PLAA: variants seen among roughly 807,000 people sequenced by gnomAD.
The protein encoded by PLAA is phospholipase A-2-activating protein.
Under a neutral mutation model 84.1 loss-of-function variants are expected in PLAA, and 48 were observed. That is an observed-to-expected ratio of 0.57 (90% CI 0.45 to 0.73). The LOEUF is 0.73. PLAA is among the 30% of genes least tolerant of loss of function. PLAA has a pLI of 0.00. For synonymous variants in PLAA, 392 were observed against 336.6 expected (o/e 1.16, Z -1.80); for missense variants, 903 against 954.7 (o/e 0.95, Z 0.71).
chr9:26,946,795 G>C (rs894211677), intron 1 of PLAA, 102 bp downstream of exon 1: 101 of 1,305,134 alleles, frequency 7.7e-5, no homozygotes, highest in Middle Eastern at 7.6e-4. Context: ...GGGAAGGCTG[G>C]GGGGAGAGAG....
rs1348125864 is a variant in PLAA, at chr9:26,915,703, T to C, written c.1486+1394A>G. 56 of 984,634 alleles carry C rather than the reference T, an allele frequency of 5.7e-5. No individual in the cohort carries two copies. The Admixed American group carries it at 3.4e-3, about 61-fold the overall frequency. The allele number at this position is 984,634 out of a possible 1,614,324, so 61.0% of individuals were successfully genotyped here. A position where few individuals can be genotyped will look rare whatever the true frequency, so the allele number is the denominator to read the frequency against. On this transcript the variant is annotated intron_variant, in intron 10 of 13. Transcript: ENST00000397292. ...CCCTAATTCTCTTGGACATTGTGTA[T>C]GCTATCTTGCATATCTACATAATTA...
Position 26,947,097 on chromosome 9 carries a change from G to A in PLAA, c.-52C>T. On this transcript the variant is annotated 5_prime_UTR_variant, in exon 1 of 14. Transcript: ENST00000397292. ...CCCAGGCACTGTGCGAGACCAGTCCGCAGGGGCGACTCGGAGAGCGCCGGG... is the reference window on the plus strand; with the variant it reads ...CCCAGGCACTGTGCGAGACCAGTCCACAGGGGCGACTCGGAGAGCGCCGGG... 2 of 1,438,102 alleles carry A rather than the reference G, an allele frequency of 1.4e-6. No homozygotes were observed. Among genetic ancestry groups the A allele is most frequent in the South Asian group, 1.4e-5 (1 of 69,228 alleles). The allele number at this position is 1,438,102 out of a possible 1,614,324, so 89.1% of individuals were successfully genotyped here. A position where few individuals can be genotyped will look rare whatever the true frequency, so the allele number is the denominator to read the frequency against.
At chr9:26,929,781 A>G (rs1290587913) in intron 2 of PLAA, among the ~76,000 whole-genome samples, 3 of 152,204 alleles carry the variant, frequency 2.0e-5, no homozygotes, top group Non-Finnish European at 4.4e-5. Flanking sequence ...ACTTATAAGC[A>G]TCACCTCTCT....
Position 26,907,301 on chromosome 9 carries a change from G to A in PLAA, c.1822+533C>T, listed in dbSNP as rs376845427. Among the ~76,000 whole-genome samples the A allele has an allele frequency of 7.2e-5, 11 of 152,210 alleles. No homozygotes were observed. In the East Asian group the frequency reaches 7.7e-4, roughly 11 times the overall value. On this transcript the variant is annotated intron_variant, in intron 13 of 13. Transcript: ENST00000397292. Reference sequence around the variant, plus strand: ...CACGCCTGTAATCCCAGGCTGAGGCGGGAGGATCACGAGGTCAGGAGATTG... The same window carrying A: ...CACGCCTGTAATCCCAGGCTGAGGCAGGAGGATCACGAGGTCAGGAGATTG...
At chr9:26,942,796 G>A (rs1227776991) in intron 1 of PLAA, among the ~76,000 whole-genome samples, 1 of 147,862 alleles carries the variant, frequency 6.8e-6, no homozygotes, top group Non-Finnish European at 1.5e-5. Flanking sequence ...GCAGAATGGC[G>A]TCAACCCGGG....
chr9:26,924,325 G>A (rs904624862), intron 6 of PLAA, among the ~76,000 whole-genome samples: 1 of 151,874 alleles, frequency 6.6e-6, no homozygotes, highest in African/African-American at 2.4e-5. Context: ...ATGGAGACAG[G>A]GTCTCGGTAG....
intron 13 of PLAA, among the ~76,000 whole-genome samples, chr9:26,906,851 T>C (rs1287035751): frequency 6.6e-6 from 1 of 151,784 alleles, no homozygotes; most frequent in Admixed American, 6.6e-5. Flanking sequence ...AATCTTAGCA[T>C]CACTAAAGGT....
chr9:26,913,859 AAG>A lies in PLAA; in HGVS notation c.1555+18_1555+19del. 1 of 1,526,034 alleles carries A rather than the reference AAG, an allele frequency of 6.6e-7. No homozygotes were observed. Among genetic ancestry groups the A allele is most frequent in the Non-Finnish European group, 8.9e-7 (1 of 1,123,642 alleles). The allele number at this position is 1,526,034 out of a possible 1,614,324, so 94.5% of individuals were successfully genotyped here. A position where few individuals can be genotyped will look rare whatever the true frequency, so the allele number is the denominator to read the frequency against. Reference sequence around the variant, plus strand: ...ATTTTTAAAATCTAAAAAAAAGAAAAAGAAATAAAAAGTATGTACCTGTAAAT... The same window carrying A: ...ATTTTTAAAATCTAAAAAAAAGAAAAAAATAAAAAGTATGTACCTGTAAAT... On this transcript the variant is annotated intron_variant, in intron 11 of 13. Transcript: ENST00000397292.
intron 2 of PLAA, among the ~76,000 whole-genome samples, chr9:26,931,593 C>T (rs1428202811): frequency 6.6e-6 from 1 of 152,050 alleles, no homozygotes; most frequent in Non-Finnish European, 1.5e-5. Flanking sequence ...GATAAAGCTA[C>T]TAGATCTATT....
rs112234289 is a variant in PLAA, at chr9:26,928,774, A to T, written c.344-366T>A. Among the ~76,000 whole-genome samples, 13 of 152,376 alleles carry T rather than the reference A, an allele frequency of 8.5e-5. 2 individuals are homozygous for T. The highest frequency in any genetic ancestry group is 3.1e-4 in the African/African-American group (13 of 41,594). ...ATGATTTTGAAACACTGTTTATATA[A>T]ATATTTAAGGCTGCTTTCATGACAG... is the stretch of plus-strand genomic sequence containing the variant. On this transcript the variant is annotated intron_variant, in intron 2 of 13. Coordinates refer to ENST00000397292, the MANE Select transcript of PLAA (RefSeq NM_001031689.3).
intron 1 of PLAA, 106 bp downstream of exon 1, chr9:26,946,791 G>A (rs369862531): frequency 3.1e-6 from 4 of 1,285,164 alleles, no homozygotes; most frequent in Admixed American, 5.4e-5. Flanking sequence ...CAGAGGGAAG[G>A]CTGGGGGGAG....
intron 2 of PLAA, among the ~76,000 whole-genome samples, chr9:26,931,424 G>A (rs896274828): frequency 1.2e-4 from 18 of 152,170 alleles, no homozygotes; most frequent in African/African-American, 4.3e-4. Flanking sequence ...ACCATTATGT[G>A]AAAGGCTGAT....
chr9:26,910,292 TCAAA>T (rs1010795612), intron 12 of PLAA, 42 bp downstream of exon 12: 10 of 1,401,142 alleles, frequency 7.1e-6, no homozygotes, highest in Admixed American at 3.4e-5. Context: ...TGATGACATC[TCAAA>T]CAGTCTGTGA....
Position 26,905,063 on chromosome 9 carries a change from A to T in PLAA, c.*448T>A, listed in dbSNP as rs1288593422. 1 of 152,540 alleles carries T rather than the reference A, an allele frequency of 6.6e-6. No homozygotes were observed. Among genetic ancestry groups the T allele is most frequent in the South Asian group, 2.1e-4 (1 of 4,826 alleles). The allele number at this position is 152,540 out of a possible 1,614,324, so 9.4% of individuals were successfully genotyped here. A position where few individuals can be genotyped will look rare whatever the true frequency, so the allele number is the denominator to read the frequency against. ...AATTTAATATAATTTAAAAAATTTT[A>T]AAGTAGTTATCCTAAAACAAGACCT... On this transcript the variant is annotated 3_prime_UTR_variant, in exon 14 of 14. Transcript: ENST00000397292.
intron 9 of PLAA, among the ~76,000 whole-genome samples, chr9:26,918,484 C>T (rs955247790): frequency 2.0e-5 from 3 of 151,674 alleles, no homozygotes; most frequent in African/African-American, 4.9e-5. Flanking sequence ...TATGAATGGG[C>T]AATGAAATTT....
chr9:26,931,285 G>A (rs181243442), intron 2 of PLAA, among the ~76,000 whole-genome samples: 2 of 152,076 alleles, frequency 1.3e-5, no homozygotes, highest in Non-Finnish European at 2.9e-5. Context: ...CAGTTGATGT[G>A]GAAAGATCTA....
intron 2 of PLAA, among the ~76,000 whole-genome samples, chr9:26,929,472 T>C (rs1333000352): frequency 6.6e-6 from 1 of 151,830 alleles, no homozygotes; most frequent in African/African-American, 2.4e-5. Context: ...AGACCCTCTC[T>C]CAAAAGATAA....
At chr9:26,909,868 C>T (rs1824347283) in intron 12 of PLAA, among the ~76,000 whole-genome samples, 1 of 152,194 alleles carries the variant, frequency 6.6e-6, no homozygotes, top group South Asian at 2.1e-4. Context: ...AGGCAGTCCG[C>T]CCGCCTTGGC....
At chr9:26,914,912 G>T (rs1178413172) in intron 10 of PLAA, among the ~76,000 whole-genome samples, 2 of 152,070 alleles carry the variant, frequency 1.3e-5, no homozygotes, top group African/African-American at 4.8e-5. Flanking sequence ...AACACTTGGG[G>T]AACTTTAAAA....
Sources: allele counts gnomAD v4.1 joint callset (sites outside exome capture counted in the v4.1 genomes callset), GRCh38; gene constraint gnomAD v4.1.1; transcripts MANE v1.5; gene names NCBI Gene and HGNC (gene_info 2026-07-23, HGNC 2026-07-21).